The following GSG1L variants were observed in gnomAD, a reference collection of about 807,000 sequenced individuals.
The protein encoded by GSG1L is GSG1 like, also known as germ cell-specific gene 1-like protein.
In GSG1L, 24 loss-of-function variants were observed where a neutral mutation model predicts 42.1. The ratio of observed to expected loss-of-function variants is 0.57; its 90% CI spans 0.41 to 0.80. GSG1L has a LOEUF of 0.80. Among genes scored for constraint, GSG1L ranks in the 30% least tolerant of loss-of-function variants. The probability of loss-of-function intolerance (pLI) is 0.00; values close to 1 mark genes in which losing one functional copy is unlikely to be tolerated. For synonymous variants in GSG1L, 215 were observed against 203.5 expected (o/e 1.06, Z -0.48); for missense variants, 445 against 472.2 (o/e 0.94, Z 0.53).
At chr16:27,847,795 C>T (rs555130886) in intron 3 of GSG1L, among the ~76,000 whole-genome samples, 1 of 152,328 alleles carries the variant, frequency 6.6e-6, no homozygotes, top group African/African-American at 2.4e-5. Context: ...CTTCCTCCTT[C>T]TCCAGCCATG....
intron 5 of GSG1L, among the ~76,000 whole-genome samples, chr16:27,815,426 G>A (rs572305306): frequency 6.6e-6 from 1 of 152,174 alleles, no homozygotes; most frequent in Admixed American, 6.5e-5. Context: ...CATGCTTCTT[G>A]TAGAGCCTGC....
intron 1 of GSG1L, among the ~76,000 whole-genome samples, chr16:28,012,365 C>T (rs973975838): frequency 6.6e-6 from 1 of 152,190 alleles, no homozygotes; most frequent in East Asian, 1.9e-4. Context: ...TGCTGAAACT[C>T]ACTTGCTGTG....
intron 2 of GSG1L, among the ~76,000 whole-genome samples, chr16:27,902,131 T>C (rs117925142): frequency 6.6e-6 from 1 of 152,222 alleles, no homozygotes; most frequent in Non-Finnish European, 1.5e-5. Flanking sequence ...GGATGTTGTC[T>C]GTCTGTCCAG....
intron 1 of GSG1L, among the ~76,000 whole-genome samples, chr16:27,997,304 C>G (rs998980584): frequency 6.9e-6 from 1 of 145,156 alleles, no homozygotes; most frequent in Non-Finnish European, 1.5e-5. Flanking sequence ...GGGAAGTGTT[C>G]TCCACTTTTT....
chr16:27,947,556 A>AAG (rs777240216), intron 2 of GSG1L, among the ~76,000 whole-genome samples: 1 of 80,772 alleles, frequency 1.2e-5, no homozygotes, highest in South Asian at 3.4e-4. Flanking sequence ...AAAGAAAGAA[A>AAG]GAAAGAAAGA....
chr16:28,035,665 T>C (rs1350841463), intron 1 of GSG1L, among the ~76,000 whole-genome samples: 2 of 152,188 alleles, frequency 1.3e-5, no homozygotes, highest in Non-Finnish European at 2.9e-5. Flanking sequence ...AAGTCATAAA[T>C]TGCTTTCAAG....
chr16:28,008,446 C>T (rs2085671376), intron 1 of GSG1L, among the ~76,000 whole-genome samples: 1 of 152,154 alleles, frequency 6.6e-6, no homozygotes. Flanking sequence ...TGCCATCCCT[C>T]CTGAAGTTAA....
chr16:27,945,285 A>G (rs972022742), intron 2 of GSG1L, among the ~76,000 whole-genome samples: 8 of 152,150 alleles, frequency 5.3e-5, no homozygotes, highest in Admixed American at 2.0e-4. Context: ...AGTGAATTAC[A>G]TCTCAAAAAA....
chr16:27,976,112 A>G (rs572350754), intron 1 of GSG1L, among the ~76,000 whole-genome samples: 39 of 152,072 alleles, frequency 2.6e-4, no homozygotes, highest in Non-Finnish European at 5.0e-4. Context: ...CTGTCTCTAC[A>G]TAAAATACAA....
chr16:27,856,714 T>C (rs1188023856), intron 3 of GSG1L, among the ~76,000 whole-genome samples: 1 of 152,256 alleles, frequency 6.6e-6, no homozygotes, highest in African/African-American at 2.4e-5. Flanking sequence ...TGAAGGTTCC[T>C]TTCTGAATGA....
chr16:28,055,875 C>T (rs970540100), intron 1 of GSG1L, among the ~76,000 whole-genome samples: 3 of 152,188 alleles, frequency 2.0e-5, no homozygotes, highest in Non-Finnish European at 2.9e-5. Context: ...GAGGTTGCAG[C>T]ATCCTCACAA....
At chr16:27,912,150 C>T (rs558343058) in intron 2 of GSG1L, among the ~76,000 whole-genome samples, 2 of 152,320 alleles carry the variant, frequency 1.3e-5, no homozygotes, top group East Asian at 1.9e-4. Context: ...CACTGTCTCA[C>T]CATCCATGTA....
At chr16:28,062,153 G>A (rs892059033) in intron 1 of GSG1L, among the ~76,000 whole-genome samples, 1 of 152,152 alleles carries the variant, frequency 6.6e-6, no homozygotes, top group Non-Finnish European at 1.5e-5. Flanking sequence ...GAGATACCAC[G>A]TCTTTCGGGC....
In GSG1L at chr16:28,041,443, C is replaced by A. The variant is rs148741449; in HGVS notation, c.349+21633G>T. ...CTCCAGCCTGGGTGACAAAGTGAGA[C>A]CCTCTCTCAAAAAGAAAAAAAAAAG... On this transcript the variant is annotated intron_variant, in intron 1 of 6. Coordinates refer to ENST00000447459, the MANE Select transcript of GSG1L (RefSeq NM_001109763.2). Among the ~76,000 whole-genome samples the A allele has an allele frequency of 4.8e-3, 723 of 151,890 alleles. 6 individuals are homozygous for A. Among genetic ancestry groups the A allele is most frequent in the African/African-American group, 0.016 (666 of 41,408 alleles).
intron 5 of GSG1L, among the ~76,000 whole-genome samples, chr16:27,815,453 T>C (rs1226135883): frequency 6.6e-6 from 1 of 152,210 alleles, no homozygotes; most frequent in Admixed American, 6.5e-5. Context: ...ACAAGCCACA[T>C]AAACCTCTCT....
intron 2 of GSG1L, among the ~76,000 whole-genome samples, chr16:27,936,336 TG>T (rs1449949095): frequency 6.6e-6 from 1 of 152,278 alleles, no homozygotes; most frequent in East Asian, 1.9e-4. Context: ...GTTTGGGTCA[TG>T]GGGGAGGACT....
chr16:28,061,636 A>G (rs1335522663), intron 1 of GSG1L, among the ~76,000 whole-genome samples: 6 of 152,236 alleles, frequency 3.9e-5, no homozygotes, highest in Non-Finnish European at 7.3e-5. Context: ...TGGCCCTCAC[A>G]GAGTGACATC....
In GSG1L at chr16:27,995,780, G is replaced by A. The variant is rs1040461474; in HGVS notation, c.350-32577C>T. On this transcript the variant is annotated intron_variant, in intron 1 of 6. Transcript: ENST00000447459. ...TCCCACCTCAGCCTCCCAAGTAGCT[G>A]GGATTACAGGCGTGTACCACCGCAC... Among the ~76,000 whole-genome samples, 134 of 151,868 alleles carry A rather than the reference G, an allele frequency of 8.8e-4. 2 individuals are homozygous for A. The highest frequency in any genetic ancestry group is 3.1e-3 in the African/African-American group (129 of 41,422).
At chr16:28,035,050 T>C (rs2086016491) in intron 1 of GSG1L, among the ~76,000 whole-genome samples, 1 of 152,204 alleles carries the variant, frequency 6.6e-6, no homozygotes, top group African/African-American at 2.4e-5. Context: ...TGTCTTACTC[T>C]GTCTCCCAGG....
Sources: gnomAD v4.1 joint callset for allele counts (sites outside exome capture counted in the v4.1 genomes callset) on GRCh38, gnomAD v4.1.1 for gene constraint, MANE v1.5 for transcripts, NCBI Gene and HGNC (gene_info 2026-07-23, HGNC 2026-07-21) for gene names.